The following TRIO variants were observed in gnomAD, a reference collection of about 807,000 sequenced individuals.
TRIO encodes triple functional domain protein.
A neutral mutation model predicts 351.9 loss-of-function variants in TRIO; 58 were observed. The ratio of observed to expected loss-of-function variants is 0.16; its 90% CI spans 0.13 to 0.21. TRIO has a LOEUF of 0.21. Ranked by LOEUF, TRIO falls within the 10% of genes least tolerant of loss-of-function variation. The pLI is 1.00. For missense variants in TRIO, 3,201 were observed against 4,027.8 expected, an observed-to-expected ratio of 0.79 and a Z score of 5.56; for synonymous variants, 1,758 against 1,595.7, an observed-to-expected ratio of 1.10 and a Z score of -2.42.
intron 1 of TRIO, among the ~76,000 whole-genome samples, chr5:14,181,615 C>T (rs1182671013): frequency 6.6e-6 from 1 of 152,214 alleles, no homozygotes; most frequent in East Asian, 1.9e-4. Flanking sequence ...GGACCTGTGT[C>T]TACGGTTGCC....
At chr5:14,469,809 G>A (rs1754547917) in intron 37 of TRIO, among the ~76,000 whole-genome samples, 4 of 152,254 alleles carry the variant, frequency 2.6e-5, no homozygotes, top group Admixed American at 1.3e-4. Context: ...TGGAAGACAG[G>A]TCCCCATGGA....
chr5:14,154,864 G>C (rs1318318849), intron 1 of TRIO, among the ~76,000 whole-genome samples: 1 of 152,150 alleles, frequency 6.6e-6, no homozygotes, highest in African/African-American at 2.4e-5. Context: ...TGCCCTAGGA[G>C]TTTCTAAAAC....
intron 11 of TRIO, among the ~76,000 whole-genome samples, chr5:14,340,488 C>T (rs1055918987): frequency 6.6e-6 from 1 of 151,974 alleles, no homozygotes; most frequent in Non-Finnish European, 1.5e-5. Flanking sequence ...GCTCTCGTGA[C>T]AGAAGTTAGT....
At chr5:14,171,333 CAGTA>C (rs1789086339) in intron 1 of TRIO, among the ~76,000 whole-genome samples, 1 of 152,184 alleles carries the variant, frequency 6.6e-6, no homozygotes, top group African/African-American at 2.4e-5. Flanking sequence ...CCTTTGGTCA[CAGTA>C]AATAATCACT....
Position 14,509,321 on chromosome 5 carries a change from G to T in TRIO, c.*899G>T. On this transcript the variant is annotated 3_prime_UTR_variant, in exon 57 of 57. Coordinates refer to ENST00000344204, the MANE Select transcript of TRIO (RefSeq NM_007118.4). ...GCAACTATTTATGAAGACCTCTGTT[G>T]TACCTGTAATAAATATATAGAAAAA... is the stretch of plus-strand genomic sequence containing the variant. 1 of 422,622 alleles carries T rather than the reference G, an allele frequency of 2.4e-6. No homozygotes were observed. The highest frequency in any genetic ancestry group is 1.7e-5 in the South Asian group (1 of 58,928). The allele number at this position is 422,622 out of a possible 1,614,324, so 26.2% of individuals were successfully genotyped here.
chr5:14,470,626 A>C (rs115345673), intron 37 of TRIO, among the ~76,000 whole-genome samples: 1 of 152,250 alleles, frequency 6.6e-6, no homozygotes, highest in Non-Finnish European at 1.5e-5. Context: ...ATGAGGTTCT[A>C]CTGGGGATAC....
intron 1 of TRIO, among the ~76,000 whole-genome samples, chr5:14,188,640 T>C (rs1054059227): frequency 6.6e-6 from 1 of 152,246 alleles, no homozygotes; most frequent in Non-Finnish European, 1.5e-5. Flanking sequence ...GCACTGTTGC[T>C]GATAACCTTA....
intron 34 of TRIO, among the ~76,000 whole-genome samples, chr5:14,426,407 G>A (rs532761548): frequency 6.6e-6 from 1 of 152,300 alleles, no homozygotes; most frequent in East Asian, 1.9e-4. Flanking sequence ...CTCATGGAAG[G>A]GAGGAGAGAG....
intron 30 of TRIO, among the ~76,000 whole-genome samples, chr5:14,400,631 G>A (rs913646364): frequency 3.3e-5 from 5 of 152,198 alleles, no homozygotes; most frequent in Admixed American, 1.3e-4. Flanking sequence ...TCATTTTGCA[G>A]TTTGTTGCTT....
chr5:14,426,862 G>T (rs1287934625), intron 34 of TRIO, among the ~76,000 whole-genome samples: 1 of 152,040 alleles, frequency 6.6e-6, no homozygotes, highest in Non-Finnish European at 1.5e-5. Context: ...TCGAGTTCTG[G>T]GTTTTTTTTG....
intron 2 of TRIO, among the ~76,000 whole-genome samples, chr5:14,271,963 C>CT (rs1796000665): frequency 6.6e-6 from 1 of 152,096 alleles, no homozygotes; most frequent in Non-Finnish European, 1.5e-5. Context: ...GGGAGTAAAT[C>CT]TAATTCATTA....
chr5:14,380,866 A>C (rs926663941), intron 20 of TRIO, among the ~76,000 whole-genome samples: 2 of 152,232 alleles, frequency 1.3e-5, no homozygotes, highest in Admixed American at 1.3e-4. Flanking sequence ...GCACATATAC[A>C]CCATGGAATA....
chr5:14,308,428 C>A (rs1738578055), intron 8 of TRIO, among the ~76,000 whole-genome samples: 1 of 142,534 alleles, frequency 7.0e-6, no homozygotes, highest in Non-Finnish European at 1.5e-5. Flanking sequence ...TTCCATCCAA[C>A]CATCCATCCC....
chr5:14,463,283 CATCACTAA>C (rs1753968313), intron 36 of TRIO, among the ~76,000 whole-genome samples: 3 of 152,218 alleles, frequency 2.0e-5, no homozygotes. Flanking sequence ...TGTCTGAAGG[CATCACTAA>C]ATGAAGAGTT....
chr5:14,450,165 G>A (rs992894460), intron 34 of TRIO, among the ~76,000 whole-genome samples: 3 of 152,132 alleles, frequency 2.0e-5, no homozygotes, highest in East Asian at 1.9e-4. Context: ...AGATCGACGC[G>A]GCCGGCCTCA....
intron 1 of TRIO, among the ~76,000 whole-genome samples, chr5:14,225,364 C>G (rs1284948572): frequency 6.6e-6 from 1 of 152,202 alleles, no homozygotes; most frequent in Non-Finnish European, 1.5e-5. Context: ...TTGAAACACT[C>G]ATTTCTTACT....
chr5:14,214,700 A>G (rs1792116376), intron 1 of TRIO, among the ~76,000 whole-genome samples: 1 of 152,208 alleles, frequency 6.6e-6, no homozygotes, highest in Non-Finnish European at 1.5e-5. Context: ...ATTATTTTTT[A>G]ATGGATGAAT....
At chr5:14,217,695 A>C (rs913300970) in intron 1 of TRIO, among the ~76,000 whole-genome samples, 2 of 152,178 alleles carry the variant, frequency 1.3e-5, no homozygotes, top group African/African-American at 2.4e-5. Flanking sequence ...TGTGAGTATC[A>C]TTCTAGAAGT....
intron 36 of TRIO, among the ~76,000 whole-genome samples, chr5:14,464,864 T>C (rs1290425016): frequency 1.3e-5 from 2 of 152,150 alleles, no homozygotes; most frequent in Admixed American, 6.5e-5. Flanking sequence ...AAACTCGAAC[T>C]TAGTAGCCCC....
Sources: gnomAD v4.1 joint callset for allele counts (sites outside exome capture counted in the v4.1 genomes callset) on GRCh38, gnomAD v4.1.1 for gene constraint, MANE v1.5 for transcripts, NCBI Gene and HGNC (gene_info 2026-07-23, HGNC 2026-07-21) for gene names.